VKORC1L1: variants seen among roughly 807,000 people sequenced by gnomAD.
VKORC1L1 encodes the protein vitamin K epoxide reductase complex subunit 1-like protein 1.
A neutral mutation model predicts 18.9 loss-of-function variants in VKORC1L1; 2 were observed. The observed-to-expected ratio is 0.11, with a 90% confidence interval of 0.04 to 0.33. The LOEUF is 0.33. Among genes scored for constraint, VKORC1L1 ranks in the 10% least tolerant of loss-of-function variants. VKORC1L1 has a pLI of 1.00. For missense variants in VKORC1L1, 123 were observed against 224.1 expected (o/e 0.55, Z 2.88); for synonymous variants, 96 against 100.0 (o/e 0.96, Z 0.24).
At chr7:65,897,263 G>C (rs1789229801) in intron 1 of VKORC1L1, among the ~76,000 whole-genome samples, 3 of 152,198 alleles carry the variant, frequency 2.0e-5, no homozygotes, top group African/African-American at 7.2e-5. Context: ...GTCAGTGTAA[G>C]AGTTAAGCAA....
rs1281854117 is a variant in VKORC1L1 at position 65,959,122 on chromosome 7, G to T, written c.*4822G>T. 1 of 152,184 alleles carries T rather than the reference G, an allele frequency of 6.6e-6. No homozygotes were observed. The highest frequency in any genetic ancestry group is 1.5e-5 in the Non-Finnish European group (1 of 68,084). The allele number at this position is 152,184 out of a possible 1,614,324, so 9.4% of individuals were successfully genotyped here. A position where few individuals can be genotyped will look rare whatever the true frequency, so the allele number is the denominator to read the frequency against. On this transcript the variant is annotated 3_prime_UTR_variant, in exon 3 of 3. Transcript: ENST00000360768. ...AGTTCAAGACCAGCCTGGCCAACAT[G>T]GTGAAACCTGCCTCTACTGAAAAAT... is the stretch of plus-strand genomic sequence containing the variant.
chr7:65,906,501 A>G (rs1205820434), intron 1 of VKORC1L1, among the ~76,000 whole-genome samples: 1 of 152,070 alleles, frequency 6.6e-6, no homozygotes, highest in Non-Finnish European at 1.5e-5. Context: ...ATTTTGTAAG[A>G]CCCCCAAAGG....
At chr7:65,935,961 T>C (rs1789935573) in intron 1 of VKORC1L1, among the ~76,000 whole-genome samples, 1 of 152,148 alleles carries the variant, frequency 6.6e-6, no homozygotes, top group Admixed American at 6.5e-5. Flanking sequence ...AGATTGTTCT[T>C]TAAGTCTCTA....
In VKORC1L1 at chr7:65,955,607, CAG is replaced by C. The variant is rs1790283897; in HGVS notation, c.*1309_*1310del. On this transcript the variant is annotated 3_prime_UTR_variant, in exon 3 of 3. Transcript: ENST00000360768. ...TGTTTGTATGGTTAACATCTGATAT[CAG>C]AATGTTAAAAGTGCCTTCTGTCTTA... 6.6e-6 allele frequency: 1 copy of C among 152,312 alleles called. No individual in the cohort carries two copies. The highest frequency in any genetic ancestry group is 6.5e-5 in the Admixed American group (1 of 15,298). 9.4% of individuals were successfully genotyped at this position (152,312 alleles called of 1,614,324 possible).
chr7:65,958,767 GTGTA>G lies in VKORC1L1; in HGVS notation c.*4471_*4474del, dbSNP rs1201635360. The G allele has an allele frequency of 1.3e-5, 2 of 152,148 alleles. No individual in the cohort carries two copies. The highest frequency in any genetic ancestry group is 2.9e-5 in the Non-Finnish European group (2 of 68,024). The allele number at this position is 152,148 out of a possible 1,614,324, so 9.4% of individuals were successfully genotyped here. ...TTCTTGGAATTCCTGTAGGTTTACGGTGTATGTGATTGTCAAGAATTAATGACAA... is the reference window on the plus strand; with the variant it reads ...TTCTTGGAATTCCTGTAGGTTTACGGTGTGATTGTCAAGAATTAATGACAA... On this transcript the variant is annotated 3_prime_UTR_variant, in exon 3 of 3. Transcript: ENST00000360768.
chr7:65,921,820 C>G (rs1026179728), intron 1 of VKORC1L1, among the ~76,000 whole-genome samples: 3 of 151,744 alleles, frequency 2.0e-5, no homozygotes, highest in Non-Finnish European at 4.4e-5. Context: ...TGCACTCCAG[C>G]CTGGGCGACA....
At chr7:65,896,568 T>G (rs1789216778) in intron 1 of VKORC1L1, among the ~76,000 whole-genome samples, 1 of 124,552 alleles carries the variant, frequency 8.0e-6, no homozygotes, top group Admixed American at 9.1e-5. Context: ...CCTTCCTTCC[T>G]TCTTTCCCTC....
intron 1 of VKORC1L1, among the ~76,000 whole-genome samples, chr7:65,916,113 A>AT (rs908702137): frequency 7.3e-6 from 1 of 137,626 alleles, no homozygotes; most frequent in Non-Finnish European, 1.6e-5. Context: ...TCTGTCTAAA[A>AT]TTAAAAAAAA....
intron 1 of VKORC1L1, among the ~76,000 whole-genome samples, chr7:65,927,680 C>T (rs1390624985): frequency 6.6e-6 from 1 of 152,196 alleles, no homozygotes; most frequent in East Asian, 1.9e-4. Context: ...TCTTCCCAGA[C>T]TTCGCCTATT....
intron 1 of VKORC1L1, among the ~76,000 whole-genome samples, chr7:65,927,409 C>A (rs538678927): frequency 6.6e-6 from 1 of 152,124 alleles, no homozygotes; most frequent in South Asian, 2.1e-4. Flanking sequence ...ATAGTGGATT[C>A]TGGGATTTTA....
At chr7:65,911,740 C>T (rs942241411) in intron 1 of VKORC1L1, among the ~76,000 whole-genome samples, 4 of 152,162 alleles carry the variant, frequency 2.6e-5, no homozygotes, top group African/African-American at 9.7e-5. Flanking sequence ...GCCTATACAA[C>T]TTTCTAAACA....
chr7:65,893,260 G>T (rs1235420021), intron 1 of VKORC1L1, among the ~76,000 whole-genome samples: 1 of 152,090 alleles, frequency 6.6e-6, no homozygotes, highest in East Asian at 1.9e-4. Flanking sequence ...TTTCCTGTTT[G>T]GACCTGGTGT....
upstream of VKORC1L1, among the ~76,000 whole-genome samples, chr7:65,869,640 CTT>C (rs1226951533): frequency 4.3e-3 from 334 of 77,276 alleles, 3 homozygotes; most frequent in African/African-American, 7.7e-3. Flanking sequence ...CGATTTCATT[CTT>C]TTTTTTTTTT....
chr7:65,952,512 C>A (rs1457080701), intron 2 of VKORC1L1, among the ~76,000 whole-genome samples: 1 of 151,942 alleles, frequency 6.6e-6, no homozygotes, highest in Non-Finnish European at 1.5e-5. Flanking sequence ...GGCCCACAGG[C>A]GTCTTCTTGT....
intron 1 of VKORC1L1, among the ~76,000 whole-genome samples, chr7:65,936,285 A>G (rs545267201): frequency 1.3e-5 from 2 of 152,306 alleles, no homozygotes; most frequent in African/African-American, 4.8e-5. Context: ...CAGGGTTGAC[A>G]TCTGTTCATC....
chr7:65,949,215 C>T (rs758565380), intron 2 of VKORC1L1, among the ~76,000 whole-genome samples: 1 of 152,116 alleles, frequency 6.6e-6, no homozygotes, highest in Admixed American at 6.5e-5. Flanking sequence ...TGCGGTGGTG[C>T]ACACCTGTAA....
chr7:65,868,357 G>C (rs951400738), upstream of VKORC1L1, among the ~76,000 whole-genome samples: 1 of 152,052 alleles, frequency 6.6e-6, no homozygotes, highest in African/African-American at 2.4e-5. Context: ...AAAAAGGAAC[G>C]CTTATACACC....
At chr7:65,913,552 C>A (rs1471758123) in intron 1 of VKORC1L1, among the ~76,000 whole-genome samples, 1 of 151,568 alleles carries the variant, frequency 6.6e-6, no homozygotes, top group Non-Finnish European at 1.5e-5. Context: ...GTGGTGAAAC[C>A]CCATCTCTAC....
chr7:65,881,717 C>T (rs35663341), intron 1 of VKORC1L1, among the ~76,000 whole-genome samples: 18,909 of 152,176 alleles, frequency 0.12, 1,328 homozygotes, highest in Middle Eastern at 0.21. Context: ...GGAATTTGGG[C>T]GAGGGTACTT....
Sources: allele counts gnomAD v4.1 joint callset (sites outside exome capture counted in the v4.1 genomes callset), GRCh38; gene constraint gnomAD v4.1.1; transcripts MANE v1.5; gene names NCBI Gene and HGNC (gene_info 2026-07-23, HGNC 2026-07-21).